Variants in SPAG6 observed in about 807,000 individuals in gnomAD.
SPAG6 encodes sperm associated antigen 6, also known as sperm-associated antigen 6.
Under a neutral mutation model 58.5 loss-of-function variants are expected in SPAG6, and 49 were observed. The observed-to-expected ratio is 0.84, with a 90% CI of 0.67 to 1.06. SPAG6 has a LOEUF of 1.06. SPAG6 is among the 50% of genes least tolerant of loss of function. The pLI, the probability that SPAG6 is intolerant of heterozygous loss-of-function variation, is 0.00. For synonymous variants in SPAG6, 233 were observed against 225.6 expected (o/e 1.03, Z -0.29); for missense variants, 560 against 611.3 (o/e 0.92, Z 0.89).
At chr10:22,350,281 T>A (rs566154703) in intron 2 of SPAG6, among the ~76,000 whole-genome samples, 1 of 152,020 alleles carries the variant, frequency 6.6e-6, no homozygotes, top group East Asian at 1.9e-4. Flanking sequence ...CACCAAACAA[T>A]AAGTTCTAAA....
chr10:22,358,851 AC>A (rs1836948797), intron 2 of SPAG6, among the ~76,000 whole-genome samples: 1 of 152,196 alleles, frequency 6.6e-6, no homozygotes, highest in Non-Finnish European at 1.5e-5. Context: ...TTTATCAAGC[AC>A]TTGATGGTGT....
At position 22,355,486 on chromosome 10, in the gene SPAG6, T is replaced by C. The variant is rs151177423; in HGVS notation, c.122-9367T>C. On this transcript the variant is annotated intron_variant, in intron 2 of 10. Coordinates refer to ENST00000376624, the MANE Select transcript of SPAG6 (RefSeq NM_012443.4). The stretch of plus-strand genomic sequence containing the variant: ...TCACCAAACAAAACTTGGAAGATAC[T>C]ATAGCTAATGAGAATAAATTTCAAA... Among the ~76,000 whole-genome samples the C allele has an allele frequency of 4.8e-3, 727 of 152,328 alleles. 9 individuals are homozygous for C. The highest frequency in any genetic ancestry group is 0.017 in the African/African-American group (689 of 41,578).
intron 4 of SPAG6, among the ~76,000 whole-genome samples, chr10:22,377,856 C>T (rs2132067642): frequency 6.6e-6 from 1 of 152,252 alleles, no homozygotes; most frequent in South Asian, 2.1e-4. Context: ...AGATTGTGCT[C>T]CTTGAAGACA....
chr10:22,405,399 T>C (rs1834526692), intron 9 of SPAG6, among the ~76,000 whole-genome samples: 1 of 151,724 alleles, frequency 6.6e-6, no homozygotes, highest in Non-Finnish European at 1.5e-5. Context: ...GATAATCATG[T>C]GGTTTTTGTC....
intron 9 of SPAG6, 56 bp from the exon 10 acceptor site, chr10:22,410,975 G>A: frequency 6.4e-7 from 1 of 1,553,710 alleles, no homozygotes. Flanking sequence ...CTTTTCAATA[G>A]TAATAATCTA....
chr10:22,384,268 T>C (rs772135390), intron 4 of SPAG6, among the ~76,000 whole-genome samples: 3 of 152,234 alleles, frequency 2.0e-5, no homozygotes, highest in Non-Finnish European at 4.4e-5. Context: ...TATCTCAGTT[T>C]ATTACAGAGC....
chr10:22,406,212 T>G (rs1029207922), intron 9 of SPAG6, among the ~76,000 whole-genome samples: 15 of 152,232 alleles, frequency 9.9e-5, no homozygotes, highest in African/African-American at 3.6e-4. Context: ...CTTCTTTAGT[T>G]CTTTTAATTG....
At chr10:22,401,678 T>C (rs1834417726) in intron 9 of SPAG6, among the ~76,000 whole-genome samples, 1 of 152,240 alleles carries the variant, frequency 6.6e-6, no homozygotes, top group Non-Finnish European at 1.5e-5. Context: ...CCATGTACTT[T>C]ACTGGAGATG....
chr10:22,399,213 T>A (rs142502176), intron 8 of SPAG6, among the ~76,000 whole-genome samples: 3 of 152,324 alleles, frequency 2.0e-5, no homozygotes, highest in Non-Finnish European at 2.9e-5. Context: ...TTTAGTAAAT[T>A]TACAGAATTG....
At chr10:22,412,239 A>G (rs1834758736) in intron 10 of SPAG6, among the ~76,000 whole-genome samples, 1 of 151,976 alleles carries the variant, frequency 6.6e-6, no homozygotes, top group African/African-American at 2.4e-5. Flanking sequence ...TTTATTTCTT[A>G]TTTTCTTTGA....
chr10:22,395,211 T>C (rs566943374), intron 8 of SPAG6, among the ~76,000 whole-genome samples: 30 of 152,252 alleles, frequency 2.0e-4, no homozygotes, highest in Non-Finnish European at 4.1e-4. Flanking sequence ...ATAAACATTA[T>C]TGTAACAAGT....
At chr10:22,361,040 G>A in intron 2 of SPAG6, 1 of 533,512 alleles carries the variant, frequency 1.9e-6, no homozygotes, top group Non-Finnish European at 3.3e-6. Flanking sequence ...TTTAGAGGAA[G>A]AGAAGCACAT....
At chr10:22,349,167 A>G (rs1238801005) in intron 2 of SPAG6, among the ~76,000 whole-genome samples, 1 of 151,900 alleles carries the variant, frequency 6.6e-6, no homozygotes, top group Non-Finnish European at 1.5e-5. Context: ...TGATTTCTAA[A>G]CAAAATTATT....
chr10:22,363,222 C>G (rs1201252402), intron 2 of SPAG6, among the ~76,000 whole-genome samples: 1 of 152,168 alleles, frequency 6.6e-6, no homozygotes, highest in African/African-American at 2.4e-5. Context: ...ACTAATAAAG[C>G]AAATTACAAA....
intron 4 of SPAG6, among the ~76,000 whole-genome samples, chr10:22,385,479 A>G (rs1455214313): frequency 6.6e-6 from 1 of 152,214 alleles, no homozygotes; most frequent in African/African-American, 2.4e-5. Flanking sequence ...TTAAAAATTG[A>G]AACATACCTT....
At chr10:22,401,803 A>G (rs1242799116) in intron 9 of SPAG6, among the ~76,000 whole-genome samples, 1 of 152,224 alleles carries the variant, frequency 6.6e-6, no homozygotes, top group Non-Finnish European at 1.5e-5. Flanking sequence ...GTAGTAAGGT[A>G]GAAAGGTCAA....
At chr10:22,377,430 G>A (rs1228620621) in intron 4 of SPAG6, among the ~76,000 whole-genome samples, 2 of 152,208 alleles carry the variant, frequency 1.3e-5, no homozygotes, top group Non-Finnish European at 2.9e-5. Flanking sequence ...TGTGTTACAT[G>A]ACAATAGATA....
At position 22,411,141 on chromosome 10, in the gene SPAG6, C is replaced by T. The variant is rs1432737337; in HGVS notation, c.1425C>T (p.Asn475=). 6.2e-7 allele frequency: 1 copy of T among 1,613,022 alleles called. No individual in the cohort carries two copies. Among genetic ancestry groups the T allele is most frequent in the Admixed American group, 1.7e-5 (1 of 59,838 alleles). Residue 475 remains asparagine (N), a synonymous_variant, in exon 10 of 11, where the codon AAC becomes AAT. Transcript: ENST00000376624. ...EPGSLLQEYI[N]SINSCYPEEI... ...GTTCTCTCCTTCAAGAATACATCAA[C>T]AGTATTAACAGTTGTTACCCCGAGG...
At chr10:22,361,995 T>A (rs892678743) in intron 2 of SPAG6, among the ~76,000 whole-genome samples, 1 of 147,018 alleles carries the variant, frequency 6.8e-6, no homozygotes, top group Admixed American at 6.8e-5. Flanking sequence ...TAAATAAATA[T>A]ATATATTTAT....
Sources: allele counts gnomAD v4.1 joint callset (sites outside exome capture counted in the v4.1 genomes callset), GRCh38; gene constraint gnomAD v4.1.1; transcripts MANE v1.5; gene names NCBI Gene and HGNC (gene_info 2026-07-23, HGNC 2026-07-21).